The following ANKH variants were observed in gnomAD, a reference collection of about 807,000 sequenced individuals.
The protein encoded by ANKH is ANKH inorganic pyrophosphate transport regulator.
ANKH carries 15 observed loss-of-function variants against 49.0 expected under a neutral mutation model. That is an observed-to-expected ratio of 0.31 (90% confidence interval 0.20 to 0.47). The LOEUF is 0.47. Among genes scored for constraint, ANKH ranks in the 20% least tolerant of loss-of-function variants. ANKH has a pLI of 1.00. For synonymous variants in ANKH, 273 were observed against 260.0 expected (o/e 1.05, Z -0.48); for missense variants, 429 against 652.0 (o/e 0.66, Z 3.72).
intron 4 of ANKH, among the ~76,000 whole-genome samples, chr5:14,754,149 TC>T (rs1235583946): frequency 6.6e-6 from 1 of 152,174 alleles, no homozygotes; most frequent in African/African-American, 2.4e-5. Context: ...GCTTCCACGC[TC>T]CCACTAACCA....
chr5:14,810,350 G>A (rs1364460813), intron 1 of ANKH, among the ~76,000 whole-genome samples: 3 of 151,948 alleles, frequency 2.0e-5, no homozygotes, highest in South Asian at 2.1e-4. Context: ...GTAGAGGCGC[G>A]GTTTCACCAT....
At chr5:14,847,428 C>G (rs181776353) in intron 1 of ANKH, among the ~76,000 whole-genome samples, 5 of 152,262 alleles carry the variant, frequency 3.3e-5, no homozygotes, top group Admixed American at 2.6e-4. Flanking sequence ...CGGAAATCGC[C>G]GGAACCTGCA....
intron 1 of ANKH, among the ~76,000 whole-genome samples, chr5:14,787,552 G>A (rs1172868571): frequency 6.6e-6 from 1 of 152,054 alleles, no homozygotes; most frequent in South Asian, 2.1e-4. Context: ...TTATTAACTT[G>A]ATACATTTCT....
At chr5:14,782,289 G>A (rs1049645258) in intron 1 of ANKH, among the ~76,000 whole-genome samples, 2 of 152,118 alleles carry the variant, frequency 1.3e-5, no homozygotes, top group African/African-American at 4.8e-5. Flanking sequence ...AGTATTCTAA[G>A]ATCTTACCTT....
At chr5:14,812,788 T>C (rs1740924436) in intron 1 of ANKH, among the ~76,000 whole-genome samples, 1 of 152,194 alleles carries the variant, frequency 6.6e-6, no homozygotes, top group African/African-American at 2.4e-5. Context: ...TCAGAATAAT[T>C]TTTTTCTTTA....
At chr5:14,756,771 C>T (rs529873498) in intron 3 of ANKH, among the ~76,000 whole-genome samples, 2 of 151,738 alleles carry the variant, frequency 1.3e-5, no homozygotes, top group South Asian at 2.1e-4. Flanking sequence ...AATATATCAG[C>T]GCCAAGCTGC....
intron 1 of ANKH, among the ~76,000 whole-genome samples, chr5:14,820,641 G>C (rs1035989696): frequency 6.6e-6 from 1 of 152,228 alleles, no homozygotes; most frequent in Non-Finnish European, 1.5e-5. Context: ...AGGGTGATCA[G>C]ATACCAAGGG....
intron 7 of ANKH, among the ~76,000 whole-genome samples, chr5:14,744,280 C>T (rs1738456700): frequency 6.6e-6 from 1 of 152,300 alleles, no homozygotes; most frequent in Admixed American, 6.5e-5. Context: ...ACTGAATATT[C>T]CCAGTAGGTG....
intron 8 of ANKH, among the ~76,000 whole-genome samples, chr5:14,718,424 A>T (rs1489566044): frequency 6.6e-6 from 1 of 152,116 alleles, no homozygotes; most frequent in Non-Finnish European, 1.5e-5. Context: ...GAAAGAGAGA[A>T]GGGAAAAAAA....
intron 8 of ANKH, among the ~76,000 whole-genome samples, chr5:14,722,016 C>T (rs1029427738): frequency 1.3e-5 from 2 of 151,938 alleles, no homozygotes; most frequent in East Asian, 3.9e-4. Context: ...CCCTAGCTTC[C>T]CCTAGGCAAA....
chr5:14,744,018 A>G (rs1738450082), intron 7 of ANKH, among the ~76,000 whole-genome samples: 1 of 152,192 alleles, frequency 6.6e-6, no homozygotes, highest in South Asian at 2.1e-4. Flanking sequence ...TGATCACCTT[A>G]TTAATCAGGA....
chr5:14,744,805 A>T (rs767735503), intron 7 of ANKH, among the ~76,000 whole-genome samples: 2 of 152,170 alleles, frequency 1.3e-5, no homozygotes, highest in Non-Finnish European at 2.9e-5. Context: ...AAACGGTCTC[A>T]GGGGGGCATT....
At chr5:14,793,502 G>A (rs1740271751) in intron 1 of ANKH, among the ~76,000 whole-genome samples, 1 of 152,130 alleles carries the variant, frequency 6.6e-6, no homozygotes, top group African/African-American at 2.4e-5. Context: ...ACACCTGGTG[G>A]CCAGTTCTCT....
intron 1 of ANKH, among the ~76,000 whole-genome samples, chr5:14,771,617 C>T (rs533771984): frequency 2.6e-5 from 4 of 151,984 alleles, no homozygotes; most frequent in African/African-American, 7.2e-5. Context: ...ATTAGTTATA[C>T]CACTAAGAAA....
chr5:14,806,723 C>T (rs370934120), intron 1 of ANKH, among the ~76,000 whole-genome samples: 11 of 152,080 alleles, frequency 7.2e-5, no homozygotes, highest in African/African-American at 2.4e-4. Flanking sequence ...TGTCCTTAGG[C>T]GTCATCAGTT....
intron 1 of ANKH, among the ~76,000 whole-genome samples, chr5:14,823,564 G>A (rs1741254837): frequency 6.6e-6 from 1 of 152,146 alleles, no homozygotes; most frequent in Admixed American, 6.5e-5. Flanking sequence ...CAAGCAAACT[G>A]GAGATCAAAA....
intron 1 of ANKH, among the ~76,000 whole-genome samples, chr5:14,860,999 C>G (rs1239848232): frequency 6.6e-6 from 1 of 152,048 alleles, no homozygotes; most frequent in African/African-American, 2.4e-5. Flanking sequence ...GTCAGGCTGG[C>G]CTTGAACTCC....
chr5:14,868,967 A>G (rs1735738324), intron 1 of ANKH: 1 of 152,082 alleles, frequency 6.6e-6, no homozygotes, highest in East Asian at 1.9e-4. Flanking sequence ...CTACCTCTCC[A>G]TCTTAGGATT....
chr5:14,715,951 C>A (rs1737436564), intron 9 of ANKH, among the ~76,000 whole-genome samples: 1 of 152,218 alleles, frequency 6.6e-6, no homozygotes, highest in Non-Finnish European at 1.5e-5. Flanking sequence ...TCCAGCAGTC[C>A]TTCTCTGTCT....
Sources: allele counts gnomAD v4.1 joint callset (sites outside exome capture counted in the v4.1 genomes callset), GRCh38; gene constraint gnomAD v4.1.1; transcripts MANE v1.5; gene names NCBI Gene and HGNC (gene_info 2026-07-23, HGNC 2026-07-21).